Variants in TRIM2 observed in about 807,000 individuals in gnomAD.
TRIM2 encodes tripartite motif containing 2.
TRIM2 carries 20 observed loss-of-function variants against 75.2 expected under a neutral mutation model. The ratio of observed to expected loss-of-function variants is 0.27; its 90% CI spans 0.19 to 0.39. The LOEUF (loss-of-function observed/expected upper bound fraction) is 0.39, where lower values mean the gene tolerates loss of function less well. Ranked by LOEUF, TRIM2 falls within the 10% of genes least tolerant of loss-of-function variation. The pLI is 1.00. For missense variants in TRIM2, 660 were observed against 990.8 expected (o/e 0.67, Z 4.48); for synonymous variants, 373 against 388.3 (o/e 0.96, Z 0.46).
At chr4:153,158,947 G>T (rs1174942616) in intron 1 of TRIM2, among the ~76,000 whole-genome samples, 1 of 152,242 alleles carries the variant, frequency 6.6e-6, no homozygotes. Flanking sequence ...GAGACCGGTG[G>T]TTGGGGTTTG....
At chr4:153,218,671 T>C (rs879926411) in intron 1 of TRIM2, among the ~76,000 whole-genome samples, 3 of 152,192 alleles carry the variant, frequency 2.0e-5, no homozygotes, top group Non-Finnish European at 4.4e-5. Context: ...CTTTAGGAAG[T>C]GCTCTCTCAT....
At position 153,315,597 on chromosome 4, in the gene TRIM2, C is replaced by T; in HGVS notation, c.1614+9C>T. On this transcript the variant is annotated intron_variant, in intron 7 of 11. Coordinates refer to ENST00000338700, the MANE Select transcript of TRIM2 (RefSeq NM_015271.5). ...ACAACCAATGTGTGCAGGTATAGCCCCTAATTATATACCTTTAACTACTTA... is the reference window on the plus strand; with the variant it reads ...ACAACCAATGTGTGCAGGTATAGCCTCTAATTATATACCTTTAACTACTTA... The T allele has an allele frequency of 1.3e-6, 2 of 1,586,198 alleles. No individual in the cohort carries two copies. The highest frequency in any genetic ancestry group is 1.7e-6 in the Non-Finnish European group (2 of 1,166,378).
chr4:153,177,353 C>T (rs764638968), intron 1 of TRIM2, among the ~76,000 whole-genome samples: 15 of 152,102 alleles, frequency 9.9e-5, no homozygotes, highest in Admixed American at 2.6e-4. Context: ...ATTCCTAGGC[C>T]CACTTAAAAA....
At chr4:153,279,603 G>T (rs1339017439) in intron 3 of TRIM2, among the ~76,000 whole-genome samples, 1 of 152,002 alleles carries the variant, frequency 6.6e-6, no homozygotes, top group Non-Finnish European at 1.5e-5. Flanking sequence ...TATTTAAAAA[G>T]AATTCCAGCC....
intron 1 of TRIM2, among the ~76,000 whole-genome samples, chr4:153,197,198 A>G (rs1031616022): frequency 1.3e-5 from 2 of 152,218 alleles, no homozygotes; most frequent in African/African-American, 4.8e-5. Context: ...TGGAGCTTCC[A>G]GGTAGTAAGT....
At chr4:153,225,330 G>T (rs75216211) in intron 1 of TRIM2, among the ~76,000 whole-genome samples, 5,373 of 152,264 alleles carry the variant, frequency 0.035, 116 homozygotes, top group Non-Finnish European at 0.047. Flanking sequence ...TTTTGATGCT[G>T]CTACTAATGA....
At chr4:153,247,661 G>T (rs946284066) in intron 1 of TRIM2, among the ~76,000 whole-genome samples, 4 of 118,448 alleles carry the variant, frequency 3.4e-5, no homozygotes, top group African/African-American at 6.7e-5. Context: ...CTGGGAAACA[G>T]AGTGAGACTC....
intron 1 of TRIM2, among the ~76,000 whole-genome samples, chr4:153,256,580 C>A (rs1399545141): frequency 1.3e-5 from 2 of 152,068 alleles, no homozygotes; most frequent in African/African-American, 4.8e-5. Context: ...ATATGGAGAC[C>A]TAATCACTAT....
At position 153,335,517 on chromosome 4, in the gene TRIM2, C is replaced by T. The variant is rs1362536421; in HGVS notation, c.*551C>T. ...AAGTAAGGCTGTCTTGCAAAATGAT[C>T]CCAGCTCTGATTAGCAGCCCTCTGG... is the stretch of plus-strand genomic sequence containing the variant. On this transcript the variant is annotated 3_prime_UTR_variant, in exon 12 of 12. Coordinates refer to ENST00000338700, the MANE Select transcript of TRIM2 (RefSeq NM_015271.5). 1 of 985,246 alleles carries T rather than the reference C, an allele frequency of 1.0e-6. No individual in the cohort carries two copies. The highest frequency in any genetic ancestry group is 1.7e-5 in the African/African-American group (1 of 57,218). 61.0% of individuals were successfully genotyped at this position (985,246 alleles called of 1,614,324 possible). A position where few individuals can be genotyped will look rare whatever the true frequency, so the allele number is the denominator to read the frequency against.
At chr4:153,212,744 A>G (rs1737405388) in intron 1 of TRIM2, among the ~76,000 whole-genome samples, 1 of 152,126 alleles carries the variant, frequency 6.6e-6, no homozygotes, top group South Asian at 2.1e-4. Flanking sequence ...TCTCTTGCCA[A>G]GTCTTGTTTG....
intron 1 of TRIM2, among the ~76,000 whole-genome samples, chr4:153,161,471 C>A (rs187886921): frequency 6.6e-6 from 1 of 152,162 alleles, no homozygotes; most frequent in Non-Finnish European, 1.5e-5. Context: ...TTTGCAAAGT[C>A]GCTAGCTGTT....
rs114746060 is a variant in TRIM2, at chr4:153,323,787, C to T, written c.1952-291C>T. On this transcript the variant is annotated intron_variant, in intron 9 of 11. Coordinates refer to ENST00000338700, the MANE Select transcript of TRIM2 (RefSeq NM_015271.5). ...CAGATGTGACTTTTAGATGGTGGCA[C>T]GGAGAATGAATTCTGATGCTTACTG... is the stretch of plus-strand genomic sequence containing the variant. 9.8e-3 allele frequency among the ~76,000 whole-genome samples: 1,490 copies of T among 152,174 alleles called. 31 individuals are homozygous for T. Among genetic ancestry groups the T allele is most frequent in the African/African-American group, 0.034 (1,417 of 41,500 alleles).
At chr4:153,243,826 C>G (rs35040874) in intron 1 of TRIM2, among the ~76,000 whole-genome samples, 19,232 of 133,858 alleles carry the variant, frequency 0.14, 2,057 homozygotes, top group African/African-American at 0.3. Flanking sequence ...TTTCCCCCCC[C>G]CCTTGAGACA....
chr4:153,234,934 C>A (rs77973322), intron 1 of TRIM2, among the ~76,000 whole-genome samples: 4,905 of 152,290 alleles, frequency 0.032, 113 homozygotes, highest in Non-Finnish European at 0.047. Context: ...CTTAACCTTC[C>A]CCGTGCCCTG....
chr4:153,177,536 C>T (rs1246763224), intron 1 of TRIM2, among the ~76,000 whole-genome samples: 2 of 151,992 alleles, frequency 1.3e-5, no homozygotes, highest in African/African-American at 4.8e-5. Flanking sequence ...ATCCCAGCTA[C>T]TTGGGAGGCT....
At position 153,163,414 on chromosome 4, in the gene TRIM2, C is replaced by A. The variant is rs567128723; in HGVS notation, c.-49+10144C>A. ...GTCCAGGCTGGTCTCAAACTCCTGG[C>A]CTCAAGCTATCTTCCTGCCTCAGCC... On this transcript the variant is annotated intron_variant, in intron 1 of 11. Transcript: ENST00000437508. 1.7e-3 allele frequency among the ~76,000 whole-genome samples: 255 copies of A among 151,410 alleles called. 2 individuals carry two copies. The highest frequency in any genetic ancestry group is 6.8e-3 in the Admixed American group (103 of 15,192).
At chr4:153,305,710 C>T (rs182967149) in intron 6 of TRIM2, among the ~76,000 whole-genome samples, 1 of 152,350 alleles carries the variant, frequency 6.6e-6, no homozygotes, top group East Asian at 1.9e-4. Flanking sequence ...ACTCACCCCT[C>T]CAAAATGGTA....
chr4:153,285,754 T>TGTGC (rs200044131), intron 3 of TRIM2, among the ~76,000 whole-genome samples: 3,542 of 125,988 alleles, frequency 0.028, 108 homozygotes, highest in African/African-American at 0.11. Flanking sequence ...TGTGTGAATG[T>TGTGC]GTGTGCGTGT....
chr4:153,256,534 A>G (rs1423235964), intron 1 of TRIM2, among the ~76,000 whole-genome samples: 2 of 152,212 alleles, frequency 1.3e-5, no homozygotes, highest in Non-Finnish European at 2.9e-5. Context: ...TTCTACTCTG[A>G]TATGTAAGAT....
Sources: gnomAD v4.1 joint callset for allele counts (sites outside exome capture counted in the v4.1 genomes callset) on GRCh38, gnomAD v4.1.1 for gene constraint, MANE v1.5 for transcripts, NCBI Gene and HGNC (gene_info 2026-07-23, HGNC 2026-07-21) for gene names.